The following NAB2 variants were observed in gnomAD, a reference collection of about 807,000 sequenced individuals.
NAB2 encodes the protein NGFI-A-binding protein 2.
Under a neutral mutation model 44.2 loss-of-function variants are expected in NAB2, and 9 were observed. The ratio of observed to expected loss-of-function variants is 0.20; its 90% CI spans 0.12 to 0.36. NAB2 has a LOEUF of 0.36. Ranked by LOEUF, NAB2 falls within the 10% of genes least tolerant of loss-of-function variation. The probability of loss-of-function intolerance (pLI) is 1.00; values close to 1 mark genes in which losing one functional copy is unlikely to be tolerated. For missense variants in NAB2, 514 were observed against 709.0 expected (o/e 0.73, Z 3.12); for synonymous variants, 342 against 291.0 (o/e 1.18, Z -1.78).
intron 1 of NAB2, among the ~76,000 whole-genome samples, chr12:57,090,300 A>G (rs952438334): frequency 2.0e-5 from 3 of 152,156 alleles, no homozygotes; most frequent in Admixed American, 6.5e-5. Flanking sequence ...CCTGACCAAC[A>G]TGGTGAAACC....
chr12:57,092,774 A>C, intron 3 of NAB2, 143 bp from the exon 4 acceptor site: 1 of 1,317,120 alleles, frequency 7.6e-7, no homozygotes, highest in Non-Finnish European at 1.1e-6. Flanking sequence ...CCCTACAACA[A>C]TAGTGCTTGA....
Position 57,094,762 on chromosome 12 carries a change from T to G in NAB2, c.*41T>G. 6.7e-7 allele frequency: 1 copy of G among 1,488,070 alleles called. No individual in the cohort carries two copies. Among genetic ancestry groups the G allele is most frequent in the Middle Eastern group, 1.9e-4 (1 of 5,204 alleles). 92.2% of individuals were successfully genotyped at this position (1,488,070 alleles called of 1,614,324 possible). A position where few individuals can be genotyped will look rare whatever the true frequency, so the allele number is the denominator to read the frequency against. ...CTTCAGACCCAGGACCTCAGACTTC[T>G]GGCTCACACAGACCCCCACGCTCTC... On this transcript the variant is annotated 3_prime_UTR_variant, in exon 7 of 7. Transcript: ENST00000300131.
chr12:57,093,766 C>G (rs1248721257), intron 6 of NAB2, among the ~76,000 whole-genome samples, 168 bp downstream of exon 6: 1 of 152,156 alleles, frequency 6.6e-6, no homozygotes, highest in African/African-American at 2.4e-5. Context: ...AGAGGCAGAC[C>G]CTGCCGAGCT....
intron 3 of NAB2, 120 bp from the exon 4 acceptor site, chr12:57,092,795 CTT>C: frequency 2.1e-6 from 3 of 1,412,000 alleles, no homozygotes; most frequent in South Asian, 2.4e-5. Flanking sequence ...ACTAGAGACT[CTT>C]TCTCGGCCAG....
chr12:57,089,148 T>TGGAG lies in NAB2; in HGVS notation c.-116_-113dup. On this transcript the variant is annotated 5_prime_UTR_variant, in exon 1 of 7. Coordinates refer to ENST00000300131, the MANE Select transcript of NAB2 (RefSeq NM_005967.4). ...CGCGGAGGCTCGGAGAGAGAAGACG[T>TGGAG]GGAGGGAGGGACAGAGCCTGGACAG... 1 of 959,378 alleles carries TGGAG rather than the reference T, an allele frequency of 1.0e-6. No individual in the cohort carries two copies. The highest frequency in any genetic ancestry group is 2.4e-5 in the Admixed American group (1 of 42,400). The allele number at this position is 959,378 out of a possible 1,614,324, so 59.4% of individuals were successfully genotyped here.
rs2033238733 is a variant in NAB2 at position 57,093,407 on chromosome 12, C to CTG, written c.1280_1281dup (p.Gly428TrpfsTer7). On this transcript the variant is annotated frameshift_variant and splice_region_variant, in exon 6 of 7. Transcript: ENST00000300131. LOFTEE classifies it high-confidence loss of function. ...ACCTGACCAGTGCCCATGCCCACAG[C>CTG]TGTGGGGTCATGTCCAAGGCTGACG... is the stretch of plus-strand genomic sequence containing the variant. 1 of 1,566,806 alleles carries CTG rather than the reference C, an allele frequency of 6.4e-7. No homozygotes were observed.
At position 57,092,151 on chromosome 12, in the gene NAB2, G is replaced by A. The variant is rs543419743; in HGVS notation, c.957+153G>A. 40 of 1,325,822 alleles carry A rather than the reference G, an allele frequency of 3.0e-5. No homozygotes were observed. The South Asian group carries it at 4.3e-4, about 14-fold the overall frequency. The allele number at this position is 1,325,822 out of a possible 1,614,324, so 82.1% of individuals were successfully genotyped here. ...CTCCCCAACAGGCCCCTACCCCAGCGGCCGCAGTGCTTCCATCCTCAGCTG... is the reference window on the plus strand; with the variant it reads ...CTCCCCAACAGGCCCCTACCCCAGCAGCCGCAGTGCTTCCATCCTCAGCTG... On this transcript the variant is annotated intron_variant, in intron 2 of 6. Coordinates refer to ENST00000300131, the MANE Select transcript of NAB2 (RefSeq NM_005967.4).
chr12:57,092,107 G>A lies in NAB2; in HGVS notation c.957+109G>A, dbSNP rs945834813. 8 of 1,462,160 alleles carry A rather than the reference G, an allele frequency of 5.5e-6. No individual in the cohort carries two copies. The African/African-American group carries it at 1.1e-4, about 21-fold the overall frequency. The allele number at this position is 1,462,160 out of a possible 1,614,324, so 90.6% of individuals were successfully genotyped here. ...CTATCTTTCATTATCTCTTGACCAG[G>A]ACCCCAGGCCCTGATCCCCTCCCCA... On this transcript the variant is annotated intron_variant, in intron 2 of 6. Coordinates refer to ENST00000300131, the MANE Select transcript of NAB2 (RefSeq NM_005967.4).
At chr12:57,092,192 T>C in intron 2 of NAB2, 194 bp downstream of exon 2, 1 of 1,101,284 alleles carries the variant, frequency 9.1e-7, no homozygotes, top group Non-Finnish European at 1.3e-6. Context: ...GAAGCAGAGA[T>C]ACAGGCAGCA....
Position 57,094,822 on chromosome 12 carries a change from C to T in NAB2, c.*101C>T, listed in dbSNP as rs1298006242. 1 of 971,050 alleles carries T rather than the reference C, an allele frequency of 1.0e-6. No individual in the cohort carries two copies. The highest frequency in any genetic ancestry group is 1.6e-5 in the South Asian group (1 of 62,204). The allele number at this position is 971,050 out of a possible 1,614,324, so 60.2% of individuals were successfully genotyped here. ...AATCTAGTCACAACCCTGGATCCTT[C>T]CTCTGCCCTTCTCCTGCCTCCCCAC... On this transcript the variant is annotated 3_prime_UTR_variant, in exon 7 of 7. Transcript: ENST00000300131.
At chr12:57,089,386 G>A in intron 1 of NAB2, 32 bp downstream of exon 1, 4 of 1,509,488 alleles carry the variant, frequency 2.6e-6, no homozygotes, top group Non-Finnish European at 3.6e-6. Context: ...GCGGGGAGTG[G>A]AGATGGGTGG....
intron 3 of NAB2, 51 bp downstream of exon 3, chr12:57,092,632 T>TA: frequency 6.2e-7 from 1 of 1,603,510 alleles, no homozygotes; most frequent in East Asian, 2.2e-5. Context: ...GCTATGGAGT[T>TA]AGATCATGTC....
intron 6 of NAB2, 53 bp from the exon 7 acceptor site, chr12:57,094,559 C>CT (rs1444924201): frequency 2.8e-6 from 4 of 1,420,648 alleles, no homozygotes; most frequent in Non-Finnish European, 3.9e-6. Flanking sequence ...CCAACCACCT[C>CT]TGTCTGCAGC....
At chr12:57,094,551 AACC>A (rs3024986) in intron 6 of NAB2, 58 bp from the exon 7 acceptor site, 14 of 1,384,800 alleles carry the variant, frequency 1.0e-5, no homozygotes, top group Non-Finnish European at 1.4e-5. Flanking sequence ...TTCTGTTCCC[AACC>A]ACCTCTGTCT....
chr12:57,090,015 CG>C (rs1378768409), intron 1 of NAB2, among the ~76,000 whole-genome samples: 5 of 152,126 alleles, frequency 3.3e-5, no homozygotes, highest in African/African-American at 4.8e-5. Flanking sequence ...GTGGGCGGAA[CG>C]GCCCCGGAGC....
At chr12:57,092,090 C>T (rs542732573) in intron 2 of NAB2, 92 bp downstream of exon 2, 25 of 1,496,618 alleles carry the variant, frequency 1.7e-5, no homozygotes, top group Non-Finnish European at 2.0e-5. Context: ...GACTATCTTT[C>T]ATTATCTCTT....
At chr12:57,093,698 G>C (rs1008908140) in intron 6 of NAB2, 100 bp downstream of exon 6, 4 of 1,272,150 alleles carry the variant, frequency 3.1e-6, no homozygotes, top group Admixed American at 3.2e-5. Flanking sequence ...GAGGGATATA[G>C]TCGTCAGAGA....
In NAB2 at chr12:57,091,119, T is replaced by G. The variant is rs763495109; in HGVS notation, c.84-6T>G. On this transcript the variant is annotated splice_polypyrimidine_tract_variant and splice_region_variant and intron_variant, in intron 1 of 6. Coordinates refer to ENST00000300131, the MANE Select transcript of NAB2 (RefSeq NM_005967.4). This position sits in a 1 kb window ranked among gnomAD's most constrained non-coding sequence, Gnocchi z 7.3. ...ACTGCCTCTCTCTTGTGCCCCTCCT[T>G]CTCAGGCCCAGTGCCCGAGCCATGG... 2 of 1,510,968 alleles carry G rather than the reference T, an allele frequency of 1.3e-6. No individual in the cohort carries two copies. Among genetic ancestry groups the G allele is most frequent in the Non-Finnish European group, 1.8e-6 (2 of 1,129,956 alleles). 93.6% of individuals were successfully genotyped at this position (1,510,968 alleles called of 1,614,324 possible). A position where few individuals can be genotyped will look rare whatever the true frequency, so the allele number is the denominator to read the frequency against.
At position 57,091,431 on chromosome 12, in the gene NAB2, C is replaced by T. The variant is rs144629821; in HGVS notation, c.390C>T (p.Ile130=). Residue 130 remains isoleucine, a synonymous_variant, in exon 2 of 7, where the codon ATC becomes ATT. Coordinates refer to ENST00000300131, the MANE Select transcript of NAB2 (RefSeq NM_005967.4). This position sits in a 1 kb window ranked among gnomAD's most constrained non-coding sequence, Gnocchi z 7.3. The part of the protein sequence containing the change: ...VPVSSIPLFK[I]SETAGTRKGS... ...TCTCCAGCATCCCGCTCTTCAAGAT[C>T]TCTGAGACTGCGGGTACCCGGAAAG... 1 of 1,614,234 alleles carries T rather than the reference C, an allele frequency of 6.2e-7. No individual in the cohort carries two copies. Among genetic ancestry groups the T allele is most frequent in the African/African-American group, 1.3e-5 (1 of 75,062 alleles).
Sources: allele counts gnomAD v4.1 joint callset (sites outside exome capture counted in the v4.1 genomes callset), GRCh38; gene constraint gnomAD v4.1.1; non-coding constraint Gnocchi (gnomAD v3.1); transcripts MANE v1.5; gene names NCBI Gene and HGNC (gene_info 2026-07-23, HGNC 2026-07-21).